Variants in ANTXR1 observed in about 807,000 individuals in gnomAD.
ANTXR1 encodes anthrax toxin receptor 1.
ANTXR1 carries 19 observed loss-of-function variants against 78.1 expected under a neutral mutation model. The observed-to-expected ratio is 0.24, with a 90% CI of 0.17 to 0.36. The LOEUF (loss-of-function observed/expected upper bound fraction) is 0.36. ANTXR1 is among the 10% of genes least tolerant of loss of function. The pLI, the probability that ANTXR1 is intolerant of heterozygous loss-of-function variation, is 1.00. For missense variants in ANTXR1, 518 were observed against 718.6 expected, an observed-to-expected ratio of 0.72 and a Z score of 3.19; for synonymous variants, 273 against 260.5, an observed-to-expected ratio of 1.05 and a Z score of -0.46.
At chr2:69,154,758 G>A (rs780808231) in intron 13 of ANTXR1, among the ~76,000 whole-genome samples, 3 of 152,186 alleles carry the variant, frequency 2.0e-5, no homozygotes, top group Non-Finnish European at 4.4e-5. Flanking sequence ...TGTCTGCCGT[G>A]TGCCTTCTCC....
At chr2:69,088,274 G>A (rs1353467682) in intron 8 of ANTXR1, among the ~76,000 whole-genome samples, 5 of 152,270 alleles carry the variant, frequency 3.3e-5, no homozygotes, top group Admixed American at 6.5e-5. Context: ...GTTGAAACTC[G>A]GGTTGGGTAA....
At chr2:69,109,838 G>C (rs370701438) in intron 10 of ANTXR1, among the ~76,000 whole-genome samples, 41 of 152,246 alleles carry the variant, frequency 2.7e-4, no homozygotes, top group African/African-American at 9.4e-4. Flanking sequence ...TTGAATGTTT[G>C]AGTGCATATT....
At chr2:69,136,672 A>G (rs1037624198) in intron 12 of ANTXR1, among the ~76,000 whole-genome samples, 2 of 152,236 alleles carry the variant, frequency 1.3e-5, no homozygotes, top group Non-Finnish European at 2.9e-5. Context: ...TTTATGTTAG[A>G]AAAGAATAAA....
At chr2:69,077,227 C>G in intron 7 of ANTXR1, 181 bp from the exon 8 acceptor site, 1 of 648,594 alleles carries the variant, frequency 1.5e-6, no homozygotes, top group Non-Finnish European at 2.8e-6. Flanking sequence ...TCCAGAGAGG[C>G]CACTGGTGAG....
chr2:69,041,183 G>A (rs1242368155), intron 2 of ANTXR1, among the ~76,000 whole-genome samples: 1 of 152,146 alleles, frequency 6.6e-6, no homozygotes, highest in Non-Finnish European at 1.5e-5. Flanking sequence ...ACAAATACAT[G>A]GGTGGTGTTA....
intron 10 of ANTXR1, among the ~76,000 whole-genome samples, chr2:69,109,216 T>C (rs1041616404): frequency 6.6e-6 from 1 of 152,084 alleles, no homozygotes; most frequent in Non-Finnish European, 1.5e-5. Context: ...CAGTTAAGAG[T>C]CAGTCAGTGT....
At chr2:69,156,093 T>A (rs375152685) in intron 13 of ANTXR1, among the ~76,000 whole-genome samples, 1 of 152,168 alleles carries the variant, frequency 6.6e-6, no homozygotes, top group South Asian at 2.1e-4. Context: ...AGCTTGCTGA[T>A]GGGGCCACTG....
chr2:69,122,702 G>A (rs534288753), intron 10 of ANTXR1, among the ~76,000 whole-genome samples: 3 of 152,050 alleles, frequency 2.0e-5, no homozygotes, highest in East Asian at 3.9e-4. Flanking sequence ...CCATTAACTC[G>A]TCATTTACAT....
intron 13 of ANTXR1, among the ~76,000 whole-genome samples, chr2:69,153,060 G>T (rs780429647): frequency 1.3e-5 from 2 of 152,172 alleles, no homozygotes; most frequent in African/African-American, 4.8e-5. Flanking sequence ...TCTATTTCTA[G>T]CCTGTGCCCT....
intron 3 of ANTXR1, among the ~76,000 whole-genome samples, chr2:69,050,684 A>G (rs956636588): frequency 5.9e-5 from 9 of 152,142 alleles, no homozygotes; most frequent in Non-Finnish European, 1.2e-4. Context: ...TATTGCTTTT[A>G]TCGTGTTTTC....
At chr2:69,228,710 A>C (rs1318106022) in intron 17 of ANTXR1, among the ~76,000 whole-genome samples, 1 of 152,162 alleles carries the variant, frequency 6.6e-6, no homozygotes, top group African/African-American at 2.4e-5. Flanking sequence ...TCCATAACAA[A>C]CAACTTGTCC....
rs1669421648 is a variant in ANTXR1 at position 69,036,334 on chromosome 2, TCC to T, written c.153-3707_153-3706del. ...CACATCATGTAAAATTGGGTATTTA[TCC>T]CCTCAAGCATTTATCCTTTGTGTAA... is the stretch of plus-strand genomic sequence containing the variant. On this transcript the variant is annotated intron_variant, in intron 1 of 17. Coordinates refer to ENST00000303714, the MANE Select transcript of ANTXR1 (RefSeq NM_032208.3). Among the ~76,000 whole-genome samples, 4 of 152,204 alleles carry T rather than the reference TCC, an allele frequency of 2.6e-5. No individual in the cohort carries two copies. In the South Asian group the frequency reaches 8.3e-4, roughly 32 times the overall value.
At chr2:69,161,365 A>G (rs1257520055) in intron 13 of ANTXR1, among the ~76,000 whole-genome samples, 1 of 152,184 alleles carries the variant, frequency 6.6e-6, no homozygotes, top group Non-Finnish European at 1.5e-5. Context: ...TGAGAGACCA[A>G]AAATCATTTG....
intron 3 of ANTXR1, among the ~76,000 whole-genome samples, chr2:69,051,994 T>C (rs1020846953): frequency 2.0e-5 from 3 of 152,150 alleles, no homozygotes; most frequent in African/African-American, 7.2e-5. Context: ...TTTTCAATGA[T>C]TTGAAAAGTA....
intron 13 of ANTXR1, 78 bp downstream of exon 13, chr2:69,152,342 T>C (rs1673420524): frequency 3.4e-6 from 5 of 1,469,002 alleles, no homozygotes; most frequent in Non-Finnish European, 4.8e-6. Flanking sequence ...GAGAAAGGGA[T>C]TTTTAAAAAA....
intron 12 of ANTXR1, among the ~76,000 whole-genome samples, chr2:69,131,836 C>T (rs970624852): frequency 6.6e-6 from 1 of 152,248 alleles, no homozygotes. Context: ...ATCTTCATAT[C>T]CAAGGAGCTT....
rs1672403633 is a variant in ANTXR1, at chr2:69,123,024, G to A, written c.810G>A (p.Lys270=). 6.2e-7 allele frequency: 1 copy of A among 1,614,022 alleles called. No individual in the cohort carries two copies. Among genetic ancestry groups the A allele is most frequent in the South Asian group, 1.1e-5 (1 of 91,078 alleles). Residue 270 remains lysine, a synonymous_variant, in exon 11 of 18, where the codon AAG becomes AAA. Coordinates refer to ENST00000303714, the MANE Select transcript of ANTXR1 (RefSeq NM_032208.3). ...GTGATTTCCTTTTTGCAGATGAGAA[G>A]CCCTTTTCTGTGGAAGATACTTATT... is the stretch of plus-strand genomic sequence containing the variant. ...KINDSVTLNE[K]PFSVEDTYLL... is the part of the protein sequence containing the mutation.
chr2:69,155,366 T>C (rs1673494721), intron 13 of ANTXR1, among the ~76,000 whole-genome samples: 1 of 152,186 alleles, frequency 6.6e-6, no homozygotes, highest in Admixed American at 6.5e-5. Flanking sequence ...GGTATTGGAC[T>C]ATGCACACTG....
At chr2:69,212,913 C>T (rs1057233111) in intron 17 of ANTXR1, among the ~76,000 whole-genome samples, 1 of 150,492 alleles carries the variant, frequency 6.6e-6, no homozygotes, top group East Asian at 2.0e-4. Context: ...CTCAAGTGAC[C>T]CTCTCACCTC....
Sources: gnomAD v4.1 joint callset for allele counts (sites outside exome capture counted in the v4.1 genomes callset) on GRCh38, gnomAD v4.1.1 for gene constraint, MANE v1.5 for transcripts, NCBI Gene and HGNC (gene_info 2026-07-23, HGNC 2026-07-21) for gene names.